The following MEFV variants were observed in gnomAD, a reference collection of about 807,000 sequenced individuals.
MEFV encodes MEFV innate immunity regulator, pyrin.
In MEFV, 60 loss-of-function variants were observed where a neutral mutation model predicts 62.5. That is an observed-to-expected ratio of 0.96 (90% CI 0.78 to 1.19). MEFV has a LOEUF of 1.19. MEFV is among the 50% of genes most tolerant of loss of function. The pLI is 0.00. For missense variants in MEFV, 1,169 were observed against 1,004.5 expected (o/e 1.16, Z -2.21); for synonymous variants, 500 against 415.2 (o/e 1.20, Z -2.48).
chr16:3,246,309 G>A lies in MEFV; in HGVS notation c.1610+216C>T, dbSNP rs1272452116. 1.3e-5 allele frequency: 8 copies of A among 599,518 alleles called. No homozygotes were observed. The East Asian group carries it at 2.2e-4, about 17-fold the overall frequency. The allele number at this position is 599,518 out of a possible 1,614,324, so 37.1% of individuals were successfully genotyped here. A position where few individuals can be genotyped will look rare whatever the true frequency, so the allele number is the denominator to read the frequency against. The stretch of plus-strand genomic sequence containing the variant: ...GGATGGGCTGAATTCACCCTTCCCA[G>A]TCTGCAGCTCCATACCCGGCCAGCC... On this transcript the variant is annotated intron_variant, in intron 6 of 9. Transcript: ENST00000219596.
chr16:3,255,463 AGCTCACTGCAACCTCTGCCTCCCAG>A (rs1959103420), intron 1 of MEFV, among the ~76,000 whole-genome samples: 2 of 151,938 alleles, frequency 1.3e-5, no homozygotes, highest in Admixed American at 1.3e-4. Context: ...ATGTGATCTC[AGCTCACTGCAACCTCTGCCTCCCAG>A]GCTCAAGCAA....
Position 3,256,542 on chromosome 16 carries a change from G to A in MEFV, c.46C>T (p.Leu16=), listed in dbSNP as rs749294875. ...AACTTCTCGAAGTCATAGGGCACCA[G>A]CTCCTCCAGGGTGGACAGCAGATGG... The part of the protein sequence containing the change: ...SDHLLSTLEE[L]VPYDFEKFKF... Residue 16 remains leucine, a synonymous_variant, in exon 1 of 10, where the codon CTG becomes TTG. Coordinates refer to ENST00000219596, the MANE Select transcript of MEFV (RefSeq NM_000243.3). 3 of 1,614,094 alleles carry A rather than the reference G, an allele frequency of 1.9e-6. No individual in the cohort carries two copies. The South Asian group carries it at 3.3e-5, about 18-fold the overall frequency.
At chr16:3,244,389 G>C in intron 7 of MEFV, 84 bp downstream of exon 7, 1 of 1,598,994 alleles carries the variant, frequency 6.3e-7, no homozygotes, top group South Asian at 1.1e-5. Context: ...CAGGGGAAGA[G>C]GAGGGAAGTG....
chr16:3,252,827 A>G (rs1040026511), intron 2 of MEFV, among the ~76,000 whole-genome samples: 37 of 151,134 alleles, frequency 2.4e-4, no homozygotes, highest in South Asian at 4.2e-4. Context: ...GTGAGCACCT[A>G]TAGTCTCAGC....
intron 5 of MEFV, 122 bp from the exon 6 acceptor site, chr16:3,246,669 C>T: frequency 9.5e-7 from 1 of 1,051,678 alleles, no homozygotes; most frequent in East Asian, 2.5e-5. Context: ...GGCTCCCTGC[C>T]CTAGGGTGTC....
chr16:3,256,251 C>T (rs1225377430), intron 1 of MEFV, 60 bp downstream of exon 1: 2 of 1,585,882 alleles, frequency 1.3e-6, no homozygotes, highest in African/African-American at 2.7e-5. Context: ...TCCTGGTCCC[C>T]TTTCCCACAA....
chr16:3,251,221 T>C (rs556511226), intron 2 of MEFV, among the ~76,000 whole-genome samples: 38 of 152,186 alleles, frequency 2.5e-4, no homozygotes, highest in African/African-American at 9.2e-4. Flanking sequence ...CTGCCTCCCA[T>C]TGCCCCCCAA....
intron 2 of MEFV, among the ~76,000 whole-genome samples, chr16:3,253,490 G>A (rs913432187): frequency 6.6e-6 from 1 of 151,950 alleles, no homozygotes; most frequent in African/African-American, 2.4e-5. Context: ...TTTTTCAATC[G>A]GACATTCTTT....
rs1959084793 is a variant in MEFV at position 3,254,476 on chromosome 16, G to C, written c.592C>G (p.Gln198Glu). 6.3e-7 allele frequency: 1 copy of C among 1,596,140 alleles called. No individual in the cohort carries two copies. The change falls in exon 2 of 10, where the codon CAG (glutamine) becomes GAG (glutamate). Residue 198 changes from glutamine (Q) to glutamate (E), a missense_variant. Transcript: ENST00000219596. ...PGPCRALEGG[Q>E]AEVRLRRNAS... ...TTTCTGCGCAGCCGGACCTCGGCCT[G>C]GCCCCCCTCTAGCGCCCTGCAGGGG...
At chr16:3,252,017 G>T in intron 2 of MEFV, 1 of 404,956 alleles carries the variant, frequency 2.5e-6, no homozygotes, top group Non-Finnish European at 5.0e-6. Flanking sequence ...AGGAGTTCGA[G>T]ACCAACCTGG....
intron 2 of MEFV, among the ~76,000 whole-genome samples, chr16:3,250,572 A>C (rs1959016574): frequency 6.6e-6 from 1 of 150,738 alleles, no homozygotes; most frequent in Non-Finnish European, 1.5e-5. Flanking sequence ...CAGCCTGGGC[A>C]ACAGAGTAAG....
rs540457307 is a variant in MEFV at position 3,242,232 on chromosome 16, C to T, written c.*909G>A. ...GCAAAAAATTAGCCGGGCATGGTGG[C>T]GGGCGCCTGTAATCCCAGCTACTTC... On this transcript the variant is annotated 3_prime_UTR_variant, in exon 10 of 10. Transcript: ENST00000219596. 55 of 228,650 alleles carry T rather than the reference C, an allele frequency of 2.4e-4. No homozygotes were observed. The highest frequency in any genetic ancestry group is 1.2e-3 in the African/African-American group (51 of 42,042). The allele number at this position is 228,650 out of a possible 1,614,324, so 14.2% of individuals were successfully genotyped here.
At chr16:3,248,560 A>T in intron 4 of MEFV, 1 of 375,166 alleles carries the variant, frequency 2.7e-6, no homozygotes, top group Non-Finnish European at 4.9e-6. Context: ...ACTGCACTAC[A>T]ACCTGGGTGA....
At chr16:3,250,880 C>A (rs370876316) in intron 2 of MEFV, among the ~76,000 whole-genome samples, 23 of 151,558 alleles carry the variant, frequency 1.5e-4, no homozygotes, top group East Asian at 1.4e-3. Context: ...AAAAATTAGC[C>A]GGACGTGGTG....
chr16:3,247,565 G>A (rs956327176), intron 4 of MEFV: 1 of 374,592 alleles, frequency 2.7e-6, no homozygotes, highest in Non-Finnish European at 5.0e-6. Flanking sequence ...AGTTCTTGCA[G>A]ATGTAATTAG....
chr16:3,254,175 G>T lies in MEFV; in HGVS notation c.893C>A (p.Pro298Gln). The change falls in exon 2 of 10, where the codon CCA becomes CAA. Residue 298 changes from proline to glutamine, a missense_variant. By Grantham distance (76) the Pro-to-Gln change is moderately conservative. Coordinates refer to ENST00000219596, the MANE Select transcript of MEFV (RefSeq NM_000243.3). Reference protein sequence around the residue: ...SADLKEGPGNPEHSVTGRPPD... With the variant: ...SADLKEGPGNQEHSVTGRPPD... ...CAATTTACCGGTGACCGAATGTTCT[G>T]GATTTCCAGGGCCTTCCTTCAGGTC... 6.2e-7 allele frequency: 1 copy of T among 1,614,224 alleles called. No homozygotes were observed. The highest frequency in any genetic ancestry group is 1.1e-5 in the South Asian group (1 of 91,076).
At chr16:3,252,569 C>T (rs1040186133) in intron 2 of MEFV, among the ~76,000 whole-genome samples, 6 of 151,854 alleles carry the variant, frequency 4.0e-5, no homozygotes, top group South Asian at 2.1e-4. Context: ...CCACCGCACC[C>T]GGCCTGGACC....
At chr16:3,251,554 T>C (rs959730965) in intron 2 of MEFV, among the ~76,000 whole-genome samples, 12 of 152,236 alleles carry the variant, frequency 7.9e-5, no homozygotes, top group Admixed American at 6.5e-4. Flanking sequence ...GTTACTGTTA[T>C]TTGGGTGTTT....
Position 3,256,386 on chromosome 16 carries a change from G to T in MEFV, c.202C>A (p.Gln68Lys). Residue 68 changes from glutamine to lysine, a missense_variant, in exon 1 of 10, where the codon CAG (glutamine) becomes AAG (lysine). Coordinates refer to ENST00000219596, the MANE Select transcript of MEFV (RefSeq NM_000243.3). ...VTYYGEEYAV[Q>K]LTLQVLRAIN... ...GCCCGCAGGACCTGCAGGGTGAGCT[G>T]CACGGCGTACTCTTCCCCATAGTAG... 1 of 1,614,044 alleles carries T rather than the reference G, an allele frequency of 6.2e-7. No individual in the cohort carries two copies. Among genetic ancestry groups the T allele is most frequent in the Non-Finnish European group, 8.5e-7 (1 of 1,179,958 alleles).
Sources: gnomAD v4.1 joint callset for allele counts (sites outside exome capture counted in the v4.1 genomes callset) on GRCh38, gnomAD v4.1.1 for gene constraint, MANE v1.5 for transcripts, NCBI Gene and HGNC (gene_info 2026-07-23, HGNC 2026-07-21) for gene names.